Variants in EYS observed in about 807,000 individuals in gnomAD.
EYS encodes the protein EGF-like photoreceptor maintenance factor.
Under a neutral mutation model 282.1 loss-of-function variants are expected in EYS, and 250 were observed. The observed-to-expected ratio is 0.89, with a 90% CI of 0.80 to 0.98. The LOEUF (loss-of-function observed/expected upper bound fraction) is 0.98, where lower values mean the gene tolerates loss of function less well. EYS is among the 50% of genes least tolerant of loss of function. The pLI, the probability that EYS is intolerant of heterozygous loss-of-function variation, is 0.00. For missense variants in EYS, 4,016 were observed against 3,709.0 expected, an observed-to-expected ratio of 1.08 and a Z score of -2.15; for synonymous variants, 1,355 against 1,282.9, an observed-to-expected ratio of 1.06 and a Z score of -1.20.
At chr6:63,789,587 A>C (rs1770456055) in intron 37 of EYS, among the ~76,000 whole-genome samples, 1 of 152,226 alleles carries the variant, frequency 6.6e-6, no homozygotes, top group Non-Finnish European at 1.5e-5. Context: ...AGCTAACGAG[A>C]TTCAAAAGGC....
intron 1 of EYS, among the ~76,000 whole-genome samples, chr6:65,706,205 T>C (rs1157572729): frequency 7.0e-6 from 1 of 142,250 alleles, no homozygotes; most frequent in African/African-American, 2.8e-5. Flanking sequence ...TATGAGCATA[T>C]ATACACATGA....
chr6:65,441,144 T>C (rs1382412428), intron 5 of EYS, among the ~76,000 whole-genome samples: 3 of 151,304 alleles, frequency 2.0e-5, no homozygotes, highest in Non-Finnish European at 4.4e-5. Context: ...TTGCTGATAA[T>C]ATTTTTTGCT....
At chr6:65,404,079 C>T (rs1766622341) in intron 6 of EYS, among the ~76,000 whole-genome samples, 1 of 151,982 alleles carries the variant, frequency 6.6e-6, no homozygotes, top group Admixed American at 6.6e-5. Context: ...CTGCTGTGTC[C>T]CTTCTGTAGG....
chr6:65,331,148 T>C, intron 11 of EYS: 2 of 900,380 alleles, frequency 2.2e-6, no homozygotes, highest in African/African-American at 3.6e-5. Context: ...ATATTATTCA[T>C]AAATATATAT....
At chr6:65,278,057 C>CTTTTCTTTTCTTT (rs1562067588) in intron 12 of EYS, among the ~76,000 whole-genome samples, 10 of 145,024 alleles carry the variant, frequency 6.9e-5, no homozygotes, top group African/African-American at 2.6e-4. Context: ...CTTTTCTTTT[C>CTTTTCTTTTCTTT]TTTTTTTCTG....
intron 34 of EYS, among the ~76,000 whole-genome samples, chr6:63,984,832 T>G (rs190388806): frequency 6.6e-6 from 1 of 151,800 alleles, no homozygotes; most frequent in Admixed American, 6.6e-5. Flanking sequence ...TCTAATAATA[T>G]TTAGCAGAAA....
chr6:64,421,544 T>C (rs976526175), intron 28 of EYS, among the ~76,000 whole-genome samples: 1 of 152,156 alleles, frequency 6.6e-6, no homozygotes, highest in African/African-American at 2.4e-5. Flanking sequence ...GAATTTTTTT[T>C]AATTAAATAC....
intron 35 of EYS, among the ~76,000 whole-genome samples, chr6:63,904,251 C>T (rs192572785): frequency 2.0e-5 from 3 of 152,100 alleles, no homozygotes; most frequent in African/African-American, 4.8e-5. Flanking sequence ...CTCCTTGACC[C>T]GAGTTGTTTC....
At chr6:65,091,437 G>A (rs967575740) in intron 12 of EYS, among the ~76,000 whole-genome samples, 1 of 135,642 alleles carries the variant, frequency 7.4e-6, no homozygotes, top group Middle Eastern at 3.6e-3. Context: ...GTGAGAGAGC[G>A]AGACTACATC....
Position 65,384,404 on chromosome 6 carries a change from A to G in EYS, c.1281T>C (p.Asn427=), listed in dbSNP as rs749813022. 1.2e-6 allele frequency: 2 copies of G among 1,601,514 alleles called. No individual in the cohort carries two copies. The highest frequency in any genetic ancestry group is 1.7e-6 in the Non-Finnish European group (2 of 1,170,798). ...TACTTACTTTGAATCTTCCAATTAT[A>G]TTGAAACACCATTCTTCATTCAGAC... ...INCLNEEWCF[N]IIGRFKYVCI... The change falls in exon 8 of 43, where the codon AAT becomes AAC. Residue 427 remains asparagine, a synonymous_variant. Transcript: ENST00000503581.
At chr6:65,402,259 A>G (rs1161220618) in intron 7 of EYS, among the ~76,000 whole-genome samples, 1 of 151,848 alleles carries the variant, frequency 6.6e-6, no homozygotes, top group African/African-American at 2.4e-5. Flanking sequence ...TACCTAAATT[A>G]TGCTTGAGAA....
Position 64,758,053 on chromosome 6 carries a change from C to A in EYS, c.3443+55325G>T, listed in dbSNP as rs937285584. The stretch of plus-strand genomic sequence containing the variant: ...CCTCCCAAAGTGCTGGGATTACAGG[C>A]GTGAGCCACTGTGCCCGGCCCAAAA... On this transcript the variant is annotated intron_variant, in intron 22 of 42. Transcript: ENST00000503581. Among the ~76,000 whole-genome samples the A allele has an allele frequency of 5.9e-5, 9 of 152,220 alleles. No individual in the cohort carries two copies. The East Asian group carries it at 1.5e-3, about 26-fold the overall frequency.
At chr6:65,413,018 T>A (rs1238780803) in intron 5 of EYS, among the ~76,000 whole-genome samples, 2 of 152,156 alleles carry the variant, frequency 1.3e-5, no homozygotes, top group Non-Finnish European at 2.9e-5. Flanking sequence ...GGATTTTTAA[T>A]TTACCTGATC....
intron 35 of EYS, among the ~76,000 whole-genome samples, chr6:63,983,325 C>T (rs1308421234): frequency 1.3e-5 from 2 of 151,636 alleles, no homozygotes; most frequent in Non-Finnish European, 3.0e-5. Flanking sequence ...ACTAACCATG[C>T]CTTTTTTATT....
intron 2 of EYS, among the ~76,000 whole-genome samples, chr6:65,569,152 C>G (rs1048483178): frequency 1.3e-5 from 2 of 152,086 alleles, no homozygotes; most frequent in African/African-American, 4.8e-5. Flanking sequence ...ATGACATTAC[C>G]TTGTGAAATT....
intron 31 of EYS, among the ~76,000 whole-genome samples, chr6:64,135,382 A>C (rs2150284425): frequency 6.6e-6 from 1 of 152,262 alleles, no homozygotes; most frequent in African/African-American, 2.4e-5. Flanking sequence ...ACATATGATC[A>C]AAATTTTATT....
chr6:65,110,842 T>C (rs1297586870), intron 12 of EYS, among the ~76,000 whole-genome samples: 3 of 152,078 alleles, frequency 2.0e-5, no homozygotes, highest in Admixed American at 6.6e-5. Context: ...TTAAATCAAT[T>C]AATGCCATGA....
At chr6:64,627,364 CA>C (rs1196477537) in intron 22 of EYS, among the ~76,000 whole-genome samples, 2 of 152,184 alleles carry the variant, frequency 1.3e-5, no homozygotes, top group East Asian at 3.9e-4. Flanking sequence ...CCAGAAATTG[CA>C]AGTAGTTTTG....
chr6:64,929,229 GAGGGTGATTCTTCAGAAGCCA>G (rs1768625523), intron 15 of EYS, among the ~76,000 whole-genome samples: 1 of 152,044 alleles, frequency 6.6e-6, no homozygotes, highest in East Asian at 1.9e-4. Flanking sequence ...AGGCTGAGAT[GAGGGTGATTCTTCAGAAGCCA>G]AGGGATGCCA....
Sources: gnomAD v4.1 joint callset for allele counts (sites outside exome capture counted in the v4.1 genomes callset) on GRCh38, gnomAD v4.1.1 for gene constraint, MANE v1.5 for transcripts, NCBI Gene and HGNC (gene_info 2026-07-23, HGNC 2026-07-21) for gene names.